The following CTNNA3 variants were observed in gnomAD, a reference collection of about 807,000 sequenced individuals.
CTNNA3 encodes catenin alpha-3.
A neutral mutation model predicts 95.7 loss-of-function variants in CTNNA3; 76 were observed. The ratio of observed to expected loss-of-function variants is 0.79; its 90% confidence interval spans 0.66 to 0.96. The LOEUF (loss-of-function observed/expected upper bound fraction) is 0.96. Among genes scored for constraint, CTNNA3 ranks in the 40% least tolerant of loss-of-function variants. The pLI is 0.00. For synonymous variants in CTNNA3, 431 were observed against 374.4 expected, an observed-to-expected ratio of 1.15 and a Z score of -1.74; for missense variants, 1,191 against 1,089.8, an observed-to-expected ratio of 1.09 and a Z score of -1.31.
chr10:67,742,650 T>G lies in CTNNA3; in HGVS notation c.-2+20784A>C, dbSNP rs191563472. On this transcript the variant is annotated intron_variant, in intron 1 of 17. Transcript: ENST00000684154. ...AGCAGAAGGCAAGAAATAACTAAGATCAGAGCAGAACTGAAGGAAATAGAG... is the reference window on the plus strand; with the variant it reads ...AGCAGAAGGCAAGAAATAACTAAGAGCAGAGCAGAACTGAAGGAAATAGAG... Among the ~76,000 whole-genome samples, 687 of 150,394 alleles carry G rather than the reference T, an allele frequency of 4.6e-3. 16 individuals are homozygous for G. Among genetic ancestry groups the G allele is most frequent in the African/African-American group, 0.015 (636 of 41,138 alleles).
intron 13 of CTNNA3, among the ~76,000 whole-genome samples, chr10:66,115,569 GAC>G (rs1564660547): frequency 1.9e-5 from 2 of 105,416 alleles, no homozygotes; most frequent in Admixed American, 1.2e-4. Context: ...TAGATAGATA[GAC>G]AGATAGATGA....
chr10:66,794,429 T>C (rs1234007617), intron 7 of CTNNA3, among the ~76,000 whole-genome samples: 1 of 152,192 alleles, frequency 6.6e-6, no homozygotes, highest in Non-Finnish European at 1.5e-5. Context: ...GCAACAGCAC[T>C]CTACCACACT....
intron 12 of CTNNA3, among the ~76,000 whole-genome samples, chr10:66,304,145 G>T (rs1419721007): frequency 6.6e-6 from 1 of 152,054 alleles, no homozygotes; most frequent in Non-Finnish European, 1.5e-5. Context: ...ATATTGGGGG[G>T]AAGAAGCTCA....
chr10:67,121,110 T>G (rs2131992829), intron 7 of CTNNA3, among the ~76,000 whole-genome samples: 1 of 152,210 alleles, frequency 6.6e-6, no homozygotes, highest in Non-Finnish European at 1.5e-5. Flanking sequence ...AATCTTACTC[T>G]GTTCTAAATT....
intron 5 of CTNNA3, among the ~76,000 whole-genome samples, chr10:67,250,734 T>G (rs548961131): frequency 1.8e-4 from 28 of 152,278 alleles, no homozygotes; most frequent in African/African-American, 6.3e-4. Context: ...ATATTCAACA[T>G]AGTAGCCATC....
intron 14 of CTNNA3, among the ~76,000 whole-genome samples, chr10:66,082,427 C>CATG: frequency 6.6e-6 from 1 of 152,104 alleles, no homozygotes; most frequent in Middle Eastern, 3.4e-3. Context: ...TCAAAAATAT[C>CATG]AAGATCATGA....
chr10:66,383,780 G>A (rs1221715398), intron 11 of CTNNA3, among the ~76,000 whole-genome samples: 1 of 152,160 alleles, frequency 6.6e-6, no homozygotes, highest in Non-Finnish European at 1.5e-5. Context: ...GAAGAGAGTA[G>A]GGGCCAATAT....
chr10:66,078,531 A>G (rs1391400702), intron 14 of CTNNA3, among the ~76,000 whole-genome samples: 1 of 151,900 alleles, frequency 6.6e-6, no homozygotes, highest in Non-Finnish European at 1.5e-5. Context: ...GCACTCTACA[A>G]AGACCAAAGT....
rs552742835 is a variant in CTNNA3 at position 67,672,120 on chromosome 10, G to C, written c.-6+23880C>G. On this transcript the variant is annotated intron_variant, in intron 1 of 17. Coordinates refer to ENST00000433211, the MANE Select transcript of CTNNA3 (RefSeq NM_013266.4). ...TTTCTCTGATGGCCAGTGATGATGA[G>C]CATTTTTTCATGTGTCTTTGGCTGC... Among the ~76,000 whole-genome samples, 226 of 152,286 alleles carry C rather than the reference G, an allele frequency of 1.5e-3. 4 individuals carry two copies. The South Asian group carries it at 0.018, about 12-fold the overall frequency.
chr10:67,532,113 T>C (rs773583930), intron 4 of CTNNA3, among the ~76,000 whole-genome samples: 25 of 152,200 alleles, frequency 1.6e-4, no homozygotes, highest in Non-Finnish European at 2.9e-4. Context: ...AGTATGTCTT[T>C]ATCAGCAGAG....
At chr10:66,248,660 A>G (rs2090435027) in intron 13 of CTNNA3, among the ~76,000 whole-genome samples, 1 of 152,212 alleles carries the variant, frequency 6.6e-6, no homozygotes, top group Non-Finnish European at 1.5e-5. Flanking sequence ...AAGTGATTAT[A>G]TAATGATAAA....
chr10:67,509,423 T>C (rs191833952), intron 5 of CTNNA3, among the ~76,000 whole-genome samples: 1 of 152,278 alleles, frequency 6.6e-6, no homozygotes, highest in African/African-American at 2.4e-5. Flanking sequence ...TTCCCACCTA[T>C]AAGTGAGAAC....
chr10:67,718,141 C>T (rs953611509), intron 1 of CTNNA3, among the ~76,000 whole-genome samples: 1 of 152,128 alleles, frequency 6.6e-6, no homozygotes, highest in Admixed American at 6.6e-5. Flanking sequence ...TATAGAAATG[C>T]TTGTGATTTT....
chr10:66,286,276 A>G (rs1050023117), intron 12 of CTNNA3, among the ~76,000 whole-genome samples: 3 of 151,908 alleles, frequency 2.0e-5, no homozygotes, highest in Non-Finnish European at 4.4e-5. Flanking sequence ...ACCATCTTTT[A>G]CTTTTTAGCT....
At chr10:67,451,094 A>C (rs1381170907) in intron 5 of CTNNA3, among the ~76,000 whole-genome samples, 1 of 152,056 alleles carries the variant, frequency 6.6e-6, no homozygotes, top group African/African-American at 2.4e-5. Context: ...GGAGTGAGTT[A>C]GTTATCTCAG....
intron 7 of CTNNA3, among the ~76,000 whole-genome samples, chr10:67,080,628 G>A (rs776321289): frequency 1.8e-4 from 28 of 152,184 alleles, no homozygotes; most frequent in Non-Finnish European, 3.5e-4. Flanking sequence ...GTGAAGTAAC[G>A]GCCGGGCATG....
At chr10:66,453,231 A>T (rs576728543) in intron 11 of CTNNA3, among the ~76,000 whole-genome samples, 1 of 152,080 alleles carries the variant, frequency 6.6e-6, no homozygotes, top group Non-Finnish European at 1.5e-5. Context: ...AAGAAAAAAA[A>T]AAAAACTGAG....
intron 9 of CTNNA3, among the ~76,000 whole-genome samples, chr10:66,701,997 C>T (rs999619854): frequency 7.2e-5 from 11 of 152,078 alleles, no homozygotes; most frequent in African/African-American, 2.7e-4. Flanking sequence ...ATCTCGGCCA[C>T]CCATATGAGC....
intron 5 of CTNNA3, among the ~76,000 whole-genome samples, chr10:67,289,099 T>C (rs1415147555): frequency 6.6e-6 from 1 of 152,180 alleles, no homozygotes; most frequent in African/African-American, 2.4e-5. Flanking sequence ...GTTAAATAAT[T>C]ACTAAACTTT....
Sources: allele counts gnomAD v4.1 joint callset (sites outside exome capture counted in the v4.1 genomes callset), GRCh38; gene constraint gnomAD v4.1.1; transcripts MANE v1.5; gene names NCBI Gene and HGNC (gene_info 2026-07-23, HGNC 2026-07-21).